The following FILIP1 variants were observed in gnomAD, a reference collection of about 807,000 sequenced individuals.
The protein encoded by FILIP1 is filamin-A-interacting protein 1.
A neutral mutation model predicts 102.1 loss-of-function variants in FILIP1; 61 were observed. The ratio of observed to expected loss-of-function variants is 0.60; its 90% CI spans 0.49 to 0.74. The LOEUF (loss-of-function observed/expected upper bound fraction) is 0.74. Ranked by LOEUF, FILIP1 falls within the 30% of genes least tolerant of loss-of-function variation. The probability of loss-of-function intolerance (pLI) is 0.00; values close to 1 mark genes in which losing one functional copy is unlikely to be tolerated. For synonymous variants in FILIP1, 491 were observed against 526.9 expected (o/e 0.93, Z 0.93); for missense variants, 1,314 against 1,441.2 (o/e 0.91, Z 1.43).
chr6:75,454,404 A>T (rs964557430), intron 1 of FILIP1, among the ~76,000 whole-genome samples: 3 of 152,152 alleles, frequency 2.0e-5, no homozygotes, highest in African/African-American at 7.2e-5. Context: ...GCTTTTAAAG[A>T]TGCATGGGAT....
chr6:75,394,457 T>C (rs1288129267), intron 2 of FILIP1, among the ~76,000 whole-genome samples: 1 of 152,042 alleles, frequency 6.6e-6, no homozygotes. Context: ...TAATAATAAA[T>C]TCTGCATAAC....
rs372904400 is a variant in FILIP1, at chr6:75,362,753, C to T, written c.441G>A (p.Pro147=). 29 of 1,612,844 alleles carry T rather than the reference C, an allele frequency of 1.8e-5. No individual in the cohort carries two copies. Among genetic ancestry groups the T allele is most frequent in the African/African-American group, 1.5e-4 (11 of 74,852 alleles). ...KSIGEDVYEK[P]ISELDRLEEK... ...GGTGTCATATTTTTACCTCTGAAAT[C>T]GGTTTCTCATAGACATCTTCTCCTA... Residue 147 remains proline, a synonymous_variant, in exon 3 of 6, where the codon CCG becomes CCA. Transcript: ENST00000237172.
chr6:75,326,848 T>C (rs948419268), intron 4 of FILIP1, among the ~76,000 whole-genome samples: 1 of 152,202 alleles, frequency 6.6e-6, no homozygotes, highest in Admixed American at 6.5e-5. Context: ...TCTTGCTTGA[T>C]TCAGTTTATC....
chr6:75,423,123 T>C (rs1777521236), intron 1 of FILIP1, among the ~76,000 whole-genome samples: 4 of 152,170 alleles, frequency 2.6e-5, no homozygotes, highest in African/African-American at 9.6e-5. Context: ...TGAGAGCAAT[T>C]ATCAAAGCTG....
Position 75,492,861 on chromosome 6 carries a change from G to C in FILIP1, c.-7+553C>G, listed in dbSNP as rs573908659. Reference sequence around the variant, plus strand: ...ATTTTATGCCCAGTCAGAAGCATTTGGGGTGACTCTAGTGTAACGAGGTCA... The same window carrying C: ...ATTTTATGCCCAGTCAGAAGCATTTCGGGTGACTCTAGTGTAACGAGGTCA... On this transcript the variant is annotated intron_variant, in intron 1 of 5. Transcript: ENST00000237172. 3.9e-5 allele frequency among the ~76,000 whole-genome samples: 6 copies of C among 152,254 alleles called. No individual in the cohort carries two copies. The East Asian group carries it at 7.7e-4, about 20-fold the overall frequency.
At chr6:75,424,884 GCC>G (rs1380253910) in intron 1 of FILIP1, among the ~76,000 whole-genome samples, 2 of 152,012 alleles carry the variant, frequency 1.3e-5, no homozygotes, top group Non-Finnish European at 2.9e-5. Context: ...TGTTCTAATC[GCC>G]TGTACACACG....
chr6:75,401,966 C>T (rs1776674369), intron 2 of FILIP1, among the ~76,000 whole-genome samples: 1 of 152,180 alleles, frequency 6.6e-6, no homozygotes, highest in African/African-American at 2.4e-5. Flanking sequence ...ACCATTTTCA[C>T]TGAGGAAAAT....
exon 7 of FILIP1, chr6:75,295,213 G>C (rs1052795342): frequency 1.3e-5 from 2 of 152,060 alleles, no homozygotes; most frequent in African/African-American, 4.8e-5. Flanking sequence ...CTCCTTTTAT[G>C]AATTTGTTCT....
At chr6:75,469,541 T>G (rs918613032) in intron 1 of FILIP1, among the ~76,000 whole-genome samples, 1 of 152,082 alleles carries the variant, frequency 6.6e-6, no homozygotes, top group African/African-American at 2.4e-5. Context: ...AGAATGTGCA[T>G]TAGCTTGAAT....
chr6:75,453,587 G>T (rs1255322923), intron 1 of FILIP1, among the ~76,000 whole-genome samples: 1 of 152,132 alleles, frequency 6.6e-6, no homozygotes, highest in Non-Finnish European at 1.5e-5. Context: ...GAGGTGGGAG[G>T]ATTGCTTGAG....
At chr6:75,326,108 T>TAGAG (rs1428915098) in intron 4 of FILIP1, among the ~76,000 whole-genome samples, 2 of 149,994 alleles carry the variant, frequency 1.3e-5, no homozygotes, top group Non-Finnish European at 3.0e-5. Context: ...GATAGATAGA[T>TAGAG]AGAGAGATAG....
At chr6:75,478,092 C>T (rs757323792) in intron 1 of FILIP1, among the ~76,000 whole-genome samples, 1 of 152,140 alleles carries the variant, frequency 6.6e-6, no homozygotes, top group Non-Finnish European at 1.5e-5. Flanking sequence ...TTCACTTGCG[C>T]CCAATGTATG....
rs1053486273 is a variant in FILIP1 at position 75,397,753 on chromosome 6, G to T, written c.276+16944C>A. ...ATATGTGTTTTGAGCCTGTGAGACG[G>T]ATTCCTTCATCTGTTGAGGAACATG... On this transcript the variant is annotated intron_variant, in intron 2 of 5. Transcript: ENST00000237172. Among the ~76,000 whole-genome samples the T allele has an allele frequency of 2.6e-5, 4 of 152,168 alleles. No homozygotes were observed. The South Asian group carries it at 8.3e-4, about 32-fold the overall frequency.
chr6:75,342,896 A>AC (rs1774460434), intron 4 of FILIP1, among the ~76,000 whole-genome samples: 1 of 152,212 alleles, frequency 6.6e-6, no homozygotes, highest in Non-Finnish European at 1.5e-5. Flanking sequence ...CATACTGGTC[A>AC]CCATTTTTAC....
At chr6:75,348,382 C>CTT (rs1774669892) in intron 4 of FILIP1, among the ~76,000 whole-genome samples, 1 of 152,084 alleles carries the variant, frequency 6.6e-6, no homozygotes, top group South Asian at 2.1e-4. Context: ...ATATTTTTGT[C>CTT]TTTATTATTA....
intron 4 of FILIP1, among the ~76,000 whole-genome samples, chr6:75,327,977 G>T (rs1239618667): frequency 1.3e-5 from 2 of 152,162 alleles, no homozygotes; most frequent in Non-Finnish European, 2.9e-5. Flanking sequence ...AAAGATAGGA[G>T]CAAGGAACTG....
chr6:75,415,419 TAAAATA>T (rs1777229898), intron 1 of FILIP1, among the ~76,000 whole-genome samples: 1 of 146,174 alleles, frequency 6.8e-6, no homozygotes. Flanking sequence ...TGTTCTAAAA[TAAAATA>T]AAAATAAATA....
intron 1 of FILIP1, among the ~76,000 whole-genome samples, chr6:75,469,005 A>G (rs1427710819): frequency 6.6e-6 from 1 of 152,078 alleles, no homozygotes; most frequent in Non-Finnish European, 1.5e-5. Context: ...ACTCACAGTA[A>G]TTCTTTGATA....
At chr6:75,355,164 A>T (rs995545297) in intron 3 of FILIP1, among the ~76,000 whole-genome samples, 2 of 151,890 alleles carry the variant, frequency 1.3e-5, no homozygotes, top group African/African-American at 4.8e-5. Flanking sequence ...GCGTGTTGGC[A>T]GACGCCTGTA....
Sources: allele counts gnomAD v4.1 joint callset (sites outside exome capture counted in the v4.1 genomes callset), GRCh38; gene constraint gnomAD v4.1.1; transcripts MANE v1.5; gene names NCBI Gene and HGNC (gene_info 2026-07-23, HGNC 2026-07-21).